The following RNLS variants were observed in gnomAD, a reference collection of about 807,000 sequenced individuals.
RNLS encodes the protein renalase, FAD dependent amine oxidase, also known as renalase.
RNLS carries 39 observed loss-of-function variants against 39.8 expected under a neutral mutation model. The observed-to-expected ratio is 0.98, with a 90% CI of 0.76 to 1.28. RNLS has a LOEUF of 1.28. RNLS is among the 50% of genes most tolerant of loss of function. The pLI is 0.00. For missense variants in RNLS, 410 were observed against 413.3 expected, an observed-to-expected ratio of 0.99 and a Z score of 0.07; for synonymous variants, 147 against 150.7, an observed-to-expected ratio of 0.98 and a Z score of 0.18.
At chr10:88,572,821 G>A (rs1849922376) in intron 4 of RNLS, 82 bp downstream of exon 4, 2 of 1,412,296 alleles carry the variant, frequency 1.4e-6, no homozygotes, top group South Asian at 1.3e-5. Context: ...CTTGTCCTTT[G>A]CGAAGAGAGT....
chr10:88,504,053 C>T (rs1485895889), intron 4 of RNLS, among the ~76,000 whole-genome samples: 1 of 152,126 alleles, frequency 6.6e-6, no homozygotes, highest in Admixed American at 6.6e-5. Context: ...GAAACAAAAG[C>T]CTGCCAGCAA....
chr10:88,502,356 G>A (rs1845550702), intron 4 of RNLS, among the ~76,000 whole-genome samples: 1 of 151,110 alleles, frequency 6.6e-6, no homozygotes, highest in African/African-American at 2.4e-5. Context: ...GGGAGGTGAG[G>A]AGGGGGAATA....
At chr10:88,174,196 A>G in the RNLS span, among the ~76,000 whole-genome samples, 5 of 152,084 alleles carry the variant, frequency 3.3e-5, no homozygotes, top group African/African-American at 1.2e-4. Context: ...ATCTGCAAAG[A>G]GAGACAATTT....
the RNLS span, among the ~76,000 whole-genome samples, chr10:88,257,827 A>T: frequency 2.0e-5 from 3 of 152,184 alleles, no homozygotes; most frequent in Non-Finnish European, 4.4e-5. Context: ...GTGGAACATT[A>T]TACACCAATC....
At chr10:88,365,342 A>C (rs1249497188) in intron 4 of RNLS, among the ~76,000 whole-genome samples, 1 of 150,386 alleles carries the variant, frequency 6.6e-6, no homozygotes, top group Non-Finnish European at 1.5e-5. Flanking sequence ...ATACTAAAGA[A>C]ACCAGCCCTA....
chr10:88,376,665 C>A (rs543310888), intron 4 of RNLS, among the ~76,000 whole-genome samples: 129 of 152,054 alleles, frequency 8.5e-4, no homozygotes, highest in African/African-American at 2.9e-3. Flanking sequence ...GGCAGGTATA[C>A]CAAAATCAGA....
chr10:88,330,643 CAGT>C lies in RNLS; in HGVS notation c.701-16005_701-16003del, dbSNP rs752715656. Among the ~76,000 whole-genome samples the C allele has an allele frequency of 1.1e-4, 17 of 152,038 alleles. No individual in the cohort carries two copies. The East Asian group carries it at 2.7e-3, about 24-fold the overall frequency. Reference sequence around the variant, plus strand: ...GAAAGAAGGAAAACATGGTTGAAAACAGTAGTGAATCCAATAAACTTGATCAAG... The same window carrying C: ...GAAAGAAGGAAAACATGGTTGAAAACAGTGAATCCAATAAACTTGATCAAG... On this transcript the variant is annotated intron_variant, in intron 5 of 6. Transcript: ENST00000331772.
intron 4 of RNLS, among the ~76,000 whole-genome samples, chr10:88,555,542 A>G (rs1171131047): frequency 2.0e-5 from 3 of 152,006 alleles, no homozygotes; most frequent in Non-Finnish European, 4.4e-5. Context: ...ACGCTTCACC[A>G]TGACTAAAAG....
intron 4 of RNLS, among the ~76,000 whole-genome samples, chr10:88,380,694 C>CT (rs1357940898): frequency 1.3e-5 from 2 of 151,920 alleles, no homozygotes; most frequent in Non-Finnish European, 2.9e-5. Context: ...GGTTTTGTGT[C>CT]TTTTTTAGAA....
intron 4 of RNLS, among the ~76,000 whole-genome samples, chr10:88,424,388 A>T (rs1854586957): frequency 6.6e-6 from 1 of 152,198 alleles, no homozygotes; most frequent in African/African-American, 2.4e-5. Context: ...AGGAATGGTA[A>T]GAAAAGGTGT....
chr10:88,427,321 T>C (rs965080419), intron 4 of RNLS, among the ~76,000 whole-genome samples: 7 of 152,018 alleles, frequency 4.6e-5, no homozygotes, highest in Non-Finnish European at 8.8e-5. Flanking sequence ...GGTAAGTCTA[T>C]ATTTCTTTGA....
At chr10:88,266,345 C>T in the RNLS span, among the ~76,000 whole-genome samples, 4 of 152,240 alleles carry the variant, frequency 2.6e-5, no homozygotes, top group East Asian at 1.9e-4. Context: ...TCAAGGCTTA[C>T]GTTCTTTAGA....
intron 4 of RNLS, among the ~76,000 whole-genome samples, chr10:88,478,815 A>C (rs1032014729): frequency 6.6e-6 from 1 of 152,072 alleles, no homozygotes; most frequent in African/African-American, 2.4e-5. Context: ...TCCTGACTTC[A>C]CATAGCCTTA....
At chr10:88,562,721 T>C (rs1206948424) in intron 4 of RNLS, among the ~76,000 whole-genome samples, 2 of 152,120 alleles carry the variant, frequency 1.3e-5, no homozygotes, top group South Asian at 2.1e-4. Context: ...AAAAACAACA[T>C]AGTACTTACC....
chr10:88,290,479 T>C (rs1589468349), intron 6 of RNLS, among the ~76,000 whole-genome samples: 1 of 152,194 alleles, frequency 6.6e-6, no homozygotes, highest in East Asian at 1.9e-4. Context: ...ACACCATGAA[T>C]GCAAATTATG....
At chr10:88,359,851 A>G (rs545671499) in intron 5 of RNLS, among the ~76,000 whole-genome samples, 101 of 152,330 alleles carry the variant, frequency 6.6e-4, no homozygotes, top group Non-Finnish European at 1.0e-3. Context: ...TAGCAGATGT[A>G]TAGTCCGTTA....
intron 6 of RNLS, among the ~76,000 whole-genome samples, chr10:88,307,434 C>T (rs1193634228): frequency 3.3e-5 from 5 of 152,132 alleles, no homozygotes; most frequent in East Asian, 1.9e-4. Flanking sequence ...CACTGTCAGC[C>T]CAAATGCTTC....
intron 4 of RNLS, among the ~76,000 whole-genome samples, chr10:88,541,549 T>C (rs144829796): frequency 5.3e-4 from 81 of 152,272 alleles, no homozygotes; most frequent in African/African-American, 1.9e-3. Context: ...AAGAAGCACA[T>C]GAACCTCTCT....
chr10:88,215,440 G>A, the RNLS span, among the ~76,000 whole-genome samples: 3 of 152,052 alleles, frequency 2.0e-5, no homozygotes, highest in African/African-American at 7.2e-5. Context: ...TTGTGTTTAG[G>A]TCTTTCTAAC....
Sources: gnomAD v4.1 joint callset for allele counts (sites outside exome capture counted in the v4.1 genomes callset) on GRCh38, gnomAD v4.1.1 for gene constraint, MANE v1.5 for transcripts, NCBI Gene and HGNC (gene_info 2026-07-23, HGNC 2026-07-21) for gene names.